FGD3: variants seen among roughly 807,000 people sequenced by gnomAD.
FGD3 encodes FYVE, RhoGEF and PH domain containing 3, also known as FYVE, RhoGEF and PH domain-containing protein 3.
Under a neutral mutation model 71.8 loss-of-function variants are expected in FGD3, and 45 were observed. That is an observed-to-expected ratio of 0.63 (90% CI 0.49 to 0.80). The LOEUF is 0.80. Among genes scored for constraint, FGD3 ranks in the 30% least tolerant of loss-of-function variants. The probability of loss-of-function intolerance (pLI) is 0.00; values close to 1 mark genes in which losing one functional copy is unlikely to be tolerated. For synonymous variants in FGD3, 378 were observed against 392.8 expected (o/e 0.96, Z 0.44); for missense variants, 844 against 951.5 (o/e 0.89, Z 1.49).
chr9:93,017,594 C>T (rs934135495), intron 10 of FGD3, among the ~76,000 whole-genome samples: 2 of 152,028 alleles, frequency 1.3e-5, no homozygotes, highest in Non-Finnish European at 2.9e-5. Flanking sequence ...TCTGTGGCTG[C>T]GGTTCTATGA....
intron 3 of FGD3, among the ~76,000 whole-genome samples, chr9:92,988,306 C>T (rs1860266609): frequency 6.6e-6 from 1 of 152,202 alleles, no homozygotes; most frequent in Non-Finnish European, 1.5e-5. Flanking sequence ...CCCCATTTCC[C>T]CAGTACCTGT....
chr9:93,017,537 G>A (rs531147987), intron 10 of FGD3, among the ~76,000 whole-genome samples: 10 of 152,138 alleles, frequency 6.6e-5, no homozygotes, highest in South Asian at 4.2e-4. Context: ...GAGCTACTGC[G>A]CCCGGCCATG....
At chr9:92,995,626 C>T (rs1445731206) in intron 3 of FGD3, among the ~76,000 whole-genome samples, 3 of 152,024 alleles carry the variant, frequency 2.0e-5, no homozygotes, top group Admixed American at 1.3e-4. Flanking sequence ...ATAAATAGCT[C>T]TTATTATTTT....
At chr9:92,982,430 G>A (rs1860031187) in intron 3 of FGD3, among the ~76,000 whole-genome samples, 1 of 152,162 alleles carries the variant, frequency 6.6e-6, no homozygotes, top group Non-Finnish European at 1.5e-5. Context: ...GCTGTGAATA[G>A]TGCTGCAATA....
At chr9:93,018,856 C>A (rs989924936) in intron 11 of FGD3, among the ~76,000 whole-genome samples, 3 of 152,122 alleles carry the variant, frequency 2.0e-5, no homozygotes, top group African/African-American at 4.8e-5. Flanking sequence ...CTACGATTTT[C>A]TTTTCTTTTT....
At chr9:92,960,873 C>T (rs1009980372) in intron 1 of FGD3, among the ~76,000 whole-genome samples, 1 of 151,970 alleles carries the variant, frequency 6.6e-6, no homozygotes, top group African/African-American at 2.4e-5. Context: ...AGTGGGTGAT[C>T]CCCCCGGGCC....
At chr9:92,984,642 T>G (rs570728255) in intron 3 of FGD3, among the ~76,000 whole-genome samples, 1 of 152,280 alleles carries the variant, frequency 6.6e-6, no homozygotes, top group African/African-American at 2.4e-5. Flanking sequence ...AATAGAGCTC[T>G]TAGAGATAAA....
intron 16 of FGD3, chr9:93,033,387 C>G (rs1237385208): frequency 1.1e-5 from 2 of 182,958 alleles, no homozygotes; most frequent in Admixed American, 5.9e-5. Flanking sequence ...CCCTCCGCCT[C>G]GCTGTCTTTC....
chr9:92,980,970 CAA>C (rs367690417), intron 3 of FGD3, among the ~76,000 whole-genome samples: 2 of 116,810 alleles, frequency 1.7e-5, no homozygotes, highest in African/African-American at 3.3e-5. Context: ...GACTCCATCT[CAA>C]AAAAAAAAAA....
intron 5 of FGD3, among the ~76,000 whole-genome samples, chr9:93,004,661 T>G (rs1038503992): frequency 1.3e-5 from 2 of 152,058 alleles, no homozygotes; most frequent in Non-Finnish European, 2.9e-5. Context: ...ACTCATCAGT[T>G]CCCCACGTTG....
At chr9:92,990,874 A>G (rs942392399) in intron 3 of FGD3, among the ~76,000 whole-genome samples, 5 of 151,966 alleles carry the variant, frequency 3.3e-5, no homozygotes, top group Admixed American at 6.6e-5. Flanking sequence ...ATTGGCCTGT[A>G]GTTTTCTTTT....
chr9:92,988,448 C>G (rs10992565), intron 3 of FGD3, among the ~76,000 whole-genome samples: 89,550 of 151,428 alleles, frequency 0.59, 26,644 homozygotes, highest in South Asian at 0.67. Context: ...TATCTGCCTC[C>G]TGCATCTATC....
intron 10 of FGD3, among the ~76,000 whole-genome samples, 162 bp from the exon 11 acceptor site, chr9:93,017,974 C>T (rs1861767024): frequency 6.6e-6 from 1 of 152,148 alleles, no homozygotes; most frequent in Non-Finnish European, 1.5e-5. Flanking sequence ...ATGTAGCAGC[C>T]ACGCTGACCT....
chr9:92,992,870 C>T (rs1419508578), intron 3 of FGD3, among the ~76,000 whole-genome samples: 2 of 152,094 alleles, frequency 1.3e-5, no homozygotes, highest in African/African-American at 2.4e-5. Context: ...TTGGGGCTTG[C>T]GAGGACTGTG....
At chr9:92,949,046 C>A (rs1348583220) in intron 1 of FGD3, among the ~76,000 whole-genome samples, 2 of 152,186 alleles carry the variant, frequency 1.3e-5, no homozygotes, top group Non-Finnish European at 2.9e-5. Context: ...TCCCTTGGGC[C>A]TTTAGTTGGG....
chr9:93,004,524 G>A (rs1246472694), intron 5 of FGD3, among the ~76,000 whole-genome samples: 2 of 152,122 alleles, frequency 1.3e-5, no homozygotes, highest in East Asian at 1.9e-4. Flanking sequence ...TCTCAACAGT[G>A]GACCTCAGAT....
At chr9:93,012,691 GT>G (rs200960201) in intron 8 of FGD3, among the ~76,000 whole-genome samples, 39 of 98,064 alleles carry the variant, frequency 4.0e-4, no homozygotes, top group Middle Eastern at 6.4e-3. Flanking sequence ...CGGTGGCGGG[GT>G]GTGGGGGGGG....
In FGD3 at chr9:92,969,223, T is replaced by C. The variant is rs1374813392; in HGVS notation, c.-217-6015T>C. ...TCTTGCCCACAGGGCTGGGACCCAT[T>C]GCATAAGGCTTCCCCCAAAGGCTTC... On this transcript the variant is annotated intron_variant, in intron 1 of 17. Coordinates refer to ENST00000375482, the MANE Select transcript of FGD3 (RefSeq NM_001083536.2). The surrounding 1 kb of genome is among the most constrained non-coding windows in gnomAD (Gnocchi z 4.5). Among the ~76,000 whole-genome samples the C allele has an allele frequency of 6.6e-6, 1 of 152,206 alleles. No individual in the cohort carries two copies. The highest frequency in any genetic ancestry group is 1.5e-5 in the Non-Finnish European group (1 of 68,026).
At chr9:93,027,966 G>T (rs1013378576) in intron 14 of FGD3, among the ~76,000 whole-genome samples, 2 of 151,888 alleles carry the variant, frequency 1.3e-5, no homozygotes, top group Admixed American at 1.3e-4. Context: ...CAACCCTCCC[G>T]CCTCAGCCTC....
Sources: allele counts gnomAD v4.1 joint callset (sites outside exome capture counted in the v4.1 genomes callset), GRCh38; gene constraint gnomAD v4.1.1; non-coding constraint Gnocchi (gnomAD v3.1); transcripts MANE v1.5; gene names NCBI Gene and HGNC (gene_info 2026-07-23, HGNC 2026-07-21).